Variants in ZNF507 observed in about 807,000 individuals in gnomAD.
The protein encoded by ZNF507 is zinc finger protein 507.
A neutral mutation model predicts 80.0 loss-of-function variants in ZNF507; 29 were observed. The observed-to-expected ratio is 0.36, with a 90% confidence interval of 0.27 to 0.49. The LOEUF (loss-of-function observed/expected upper bound fraction) is 0.49. ZNF507 is among the 20% of genes least tolerant of loss of function. The pLI, the probability that ZNF507 is intolerant of heterozygous loss-of-function variation, is 0.98. For missense variants in ZNF507, 1,081 were observed against 1,152.2 expected (o/e 0.94, Z 0.90); for synonymous variants, 462 against 422.5 (o/e 1.09, Z -1.15).
At chr19:32,362,431 T>C (rs1447833232) in intron 5 of ZNF507, among the ~76,000 whole-genome samples, 2 of 152,222 alleles carry the variant, frequency 1.3e-5, no homozygotes, top group African/African-American at 4.8e-5. Context: ...GAAATATTTA[T>C]TGAGCAAATA....
chr19:32,374,450 CCTTT>C (rs1317136987), intron 5 of ZNF507, among the ~76,000 whole-genome samples: 1 of 148,840 alleles, frequency 6.7e-6, no homozygotes, highest in African/African-American at 2.5e-5. Flanking sequence ...CTCATACTTT[CCTTT>C]CTATTTATAG....
chr19:32,356,111 C>G (rs1178374599), intron 3 of ZNF507, among the ~76,000 whole-genome samples: 1 of 152,154 alleles, frequency 6.6e-6, no homozygotes, highest in Admixed American at 6.5e-5. Context: ...AAGACAAGTT[C>G]CTGAAGTCTC....
rs1259918745 is a variant in ZNF507 at position 32,386,206 on chromosome 19, T to C, written c.*3123T>C. 6.6e-6 allele frequency: 1 copy of C among 152,660 alleles called. No homozygotes were observed. Among genetic ancestry groups the C allele is most frequent in the African/African-American group, 2.4e-5 (1 of 41,456 alleles). 9.5% of individuals were successfully genotyped at this position (152,660 alleles called of 1,614,324 possible). On this transcript the variant is annotated 3_prime_UTR_variant, in exon 7 of 7. Coordinates refer to ENST00000355898, the MANE Select transcript of ZNF507 (RefSeq NM_001136156.2). ...GACCGAAGCCTTTGTTCTGGATCTT[T>C]CTTCCTATTGAAGGTGGCTGCTGGT...
chr19:32,353,164 CCT>C lies in ZNF507; in HGVS notation c.335_336del (p.Pro112ArgfsTer7). ...TGAGATGTCACAAACAAATTTTACC[CCT>C]GACACTCTTGCCCAGAATGAAGGGA... ...RAEMSQTNFT[P>X]DTLAQNEGKA... On this transcript the variant is annotated frameshift_variant, in exon 3 of 7. Transcript: ENST00000355898. LOFTEE classifies it high-confidence loss of function. The C allele has an allele frequency of 6.2e-7, 1 of 1,614,236 alleles. No homozygotes were observed. Among genetic ancestry groups the C allele is most frequent in the Non-Finnish European group, 8.5e-7 (1 of 1,180,044 alleles).
At position 32,383,141 on chromosome 19, in the gene ZNF507, AC is replaced by A; in HGVS notation, c.*60del. On this transcript the variant is annotated 3_prime_UTR_variant, in exon 7 of 7. Coordinates refer to ENST00000355898, the MANE Select transcript of ZNF507 (RefSeq NM_001136156.2). ...AAGAGGATTCCTTCACCACAGTTTCACCTTTACGCTGTCAGACAACTTCCTG... is the reference window on the plus strand; with the variant it reads ...AAGAGGATTCCTTCACCACAGTTTCACTTTACGCTGTCAGACAACTTCCTG... 6.5e-7 allele frequency: 1 copy of A among 1,540,698 alleles called. No homozygotes were observed.
At position 32,353,156 on chromosome 19, in the gene ZNF507, A is replaced by G; in HGVS notation, c.326A>G (p.Asn109Ser). The change falls in exon 3 of 7, where the codon AAT (asparagine) becomes AGT (serine). Residue 109 changes from asparagine (N) to serine (S), a missense_variant. This residue lies in a region of ZNF507 where 275 missense variants were observed against 303.9 expected (regional missense o/e 0.90). Coordinates refer to ENST00000355898, the MANE Select transcript of ZNF507 (RefSeq NM_001136156.2). ...AGAAGGGCTGAGATGTCACAAACAA[A>G]TTTTACCCCTGACACTCTTGCCCAG... ...DTRRAEMSQT[N>S]FTPDTLAQNE... The G allele has an allele frequency of 1.2e-6, 2 of 1,614,176 alleles. No homozygotes were observed. Among genetic ancestry groups the G allele is most frequent in the Non-Finnish European group, 1.7e-6 (2 of 1,180,034 alleles).
intron 5 of ZNF507, among the ~76,000 whole-genome samples, chr19:32,367,083 C>A (rs1967408657): frequency 1.3e-5 from 2 of 152,174 alleles, no homozygotes; most frequent in African/African-American, 4.8e-5. Context: ...GCAGGCTGTC[C>A]TCTGCTTCTG....
At chr19:32,346,100 G>A (rs1967094147) in intron 1 of ZNF507, among the ~76,000 whole-genome samples, 1 of 152,192 alleles carries the variant, frequency 6.6e-6, no homozygotes, top group Admixed American at 6.5e-5. Flanking sequence ...AGATCGCTTA[G>A]GCCAGCCGGG....
rs1249321378 is a variant in ZNF507 at position 32,353,002 on chromosome 19, GAA to G, written c.175_176del (p.Lys59ValfsTer22). ...IQKLSKIVEN[E>X]KSQKCLLIGK... ...GAAGTTAAGCAAGATAGTGGAAAAT[GAA>G]AAGTCACAAAAATGTCTTTTAATTG... On this transcript the variant is annotated frameshift_variant, in exon 3 of 7. Coordinates refer to ENST00000355898, the MANE Select transcript of ZNF507 (RefSeq NM_001136156.2). LOFTEE classifies it high-confidence loss of function. 20 of 1,613,860 alleles carry G rather than the reference GAA, an allele frequency of 1.2e-5. No individual in the cohort carries two copies. The highest frequency in any genetic ancestry group is 1.5e-5 in the Non-Finnish European group (18 of 1,179,986).
At chr19:32,382,097 G>A (rs943729816) in intron 5 of ZNF507, 1 of 166,172 alleles carries the variant, frequency 6.0e-6, no homozygotes, top group African/African-American at 2.4e-5. Flanking sequence ...TAGTAGAGTG[G>A]TACAAAGTAT....
Position 32,383,171 on chromosome 19 carries a change from C to A in ZNF507, c.*88C>A. 1 of 1,482,848 alleles carries A rather than the reference C, an allele frequency of 6.7e-7. No homozygotes were observed. Among genetic ancestry groups the A allele is most frequent in the Non-Finnish European group, 9.0e-7 (1 of 1,107,078 alleles). 91.9% of individuals were successfully genotyped at this position (1,482,848 alleles called of 1,614,324 possible). A position where few individuals can be genotyped will look rare whatever the true frequency, so the allele number is the denominator to read the frequency against. ...TACGCTGTCAGACAACTTCCTGCCA[C>A]AGAAGAAGTCGTTGATGTGATTTTT... On this transcript the variant is annotated 3_prime_UTR_variant, in exon 7 of 7. Transcript: ENST00000355898.
intron 3 of ZNF507, 25 bp downstream of exon 3, chr19:32,354,982 T>C (rs774238379): frequency 6.4e-7 from 1 of 1,557,224 alleles, no homozygotes; most frequent in Non-Finnish European, 8.7e-7. Flanking sequence ...AGGAAGTCTT[T>C]CAGAGGACCT....
At chr19:32,382,633 A>G (rs916465453) in intron 6 of ZNF507, 32 bp downstream of exon 6, 4 of 1,613,574 alleles carry the variant, frequency 2.5e-6, no homozygotes, top group Non-Finnish European at 3.4e-6. Flanking sequence ...CTTTATTGCT[A>G]TATGTAAATT....
chr19:32,346,597 C>T (rs1967100638), intron 1 of ZNF507, among the ~76,000 whole-genome samples: 1 of 152,202 alleles, frequency 6.6e-6, no homozygotes, highest in Admixed American at 6.5e-5. Context: ...CTCACTAACT[C>T]GTTGAAAATT....
At chr19:32,370,987 C>T (rs1329787046) in intron 5 of ZNF507, among the ~76,000 whole-genome samples, 1 of 152,158 alleles carries the variant, frequency 6.6e-6, no homozygotes, top group East Asian at 1.9e-4. Context: ...AGAGACTGTT[C>T]TTTCTCCATT....
In ZNF507 at chr19:32,353,764, A is replaced by G. The variant is rs775001370; in HGVS notation, c.934A>G (p.Ser312Gly). 15 of 1,614,212 alleles carry G rather than the reference A, an allele frequency of 9.3e-6. No homozygotes were observed. The highest frequency in any genetic ancestry group is 1.2e-5 in the Non-Finnish European group (14 of 1,180,044). Residue 312 changes from serine to glycine, a missense_variant, in exon 3 of 7, where the codon AGT becomes GGT. Around this residue, in one of 6 missense-constraint regions of ZNF507, gnomAD observed 614 missense variants for 583.9 expected, o/e 1.05. Transcript: ENST00000355898. ...TGCAGTCGTCATTGCTATTGGAGAGAGTGAACTGAGTATCCACAATGGGCC... is the reference window on the plus strand; with the variant it reads ...TGCAGTCGTCATTGCTATTGGAGAGGGTGAACTGAGTATCCACAATGGGCC... Reference protein sequence around the residue: ...VDAVVIAIGESELSIHNGPSV... With the variant: ...VDAVVIAIGEGELSIHNGPSV...
At chr19:32,350,614 A>C (rs1967150285) in intron 2 of ZNF507, among the ~76,000 whole-genome samples, 1 of 152,134 alleles carries the variant, frequency 6.6e-6, no homozygotes, top group South Asian at 2.1e-4. Flanking sequence ...TCTCTTATTA[A>C]GTAGAAGAAA....
chr19:32,379,464 C>T (rs1967596040), intron 5 of ZNF507, among the ~76,000 whole-genome samples: 1 of 152,034 alleles, frequency 6.6e-6, no homozygotes. Flanking sequence ...AACATTTTAC[C>T]ACATTTTGAA....
chr19:32,374,803 T>A (rs1017327320), intron 5 of ZNF507, among the ~76,000 whole-genome samples: 5 of 152,146 alleles, frequency 3.3e-5, no homozygotes, highest in Non-Finnish European at 7.3e-5. Flanking sequence ...TTTCTTTCTC[T>A]TGTCTGATTG....
Sources: gnomAD v4.1 joint callset for allele counts (sites outside exome capture counted in the v4.1 genomes callset) on GRCh38, gnomAD v4.1.1 for gene constraint, gnomAD v4.1.1 regional missense constraint, MANE v1.5 for transcripts, NCBI Gene and HGNC (gene_info 2026-07-23, HGNC 2026-07-21) for gene names.